Variants in RP1L1 observed in about 807,000 individuals in gnomAD.
RP1L1 encodes the protein retinitis pigmentosa 1-like 1 protein.
A neutral mutation model predicts 15.7 loss-of-function variants in RP1L1; 27 were observed. That is an observed-to-expected ratio of 1.72 (90% CI 1.27 to 2.38). The LOEUF is 2.38. Among genes scored for constraint, RP1L1 ranks in the 30% most tolerant of loss-of-function variants. The probability of loss-of-function intolerance (pLI) is 0.00; values close to 1 mark genes in which losing one functional copy is unlikely to be tolerated. For missense variants in RP1L1, 4,798 were observed against 3,075.9 expected (o/e 1.56, Z -13.24); for synonymous variants, 1,813 against 1,276.7 (o/e 1.42, Z -8.96).
chr8:10,635,377 C>T (rs889843256), intron 1 of RP1L1, among the ~76,000 whole-genome samples: 2 of 152,342 alleles, frequency 1.3e-5, no homozygotes, highest in Non-Finnish European at 2.9e-5. Flanking sequence ...CCTACCATGC[C>T]GGGTTATTCC....
At chr8:10,627,546 G>A (rs1218755751) in intron 1 of RP1L1, among the ~76,000 whole-genome samples, 5 of 152,030 alleles carry the variant, frequency 3.3e-5, no homozygotes, top group South Asian at 2.1e-4. Flanking sequence ...TCTGGGGATG[G>A]GTGGTGATGG....
chr8:10,613,492 G>C, intron 3 of RP1L1, 146 bp from the exon 4 acceptor site: 1 of 1,230,944 alleles, frequency 8.1e-7, no homozygotes, highest in Non-Finnish European at 1.1e-6. Context: ...AGCTGTGCGC[G>C]GTGGCTCAGG....
chr8:10,636,578 A>G (rs1798333028), intron 1 of RP1L1, among the ~76,000 whole-genome samples: 1 of 151,982 alleles, frequency 6.6e-6, no homozygotes, highest in Non-Finnish European at 1.5e-5. Context: ...CTCCTTCACA[A>G]CGGCCTCCTC....
chr8:10,646,765 G>C (rs1209386731), intron 1 of RP1L1, among the ~76,000 whole-genome samples: 3 of 152,214 alleles, frequency 2.0e-5, no homozygotes, highest in Non-Finnish European at 4.4e-5. Context: ...TTAGGCCACT[G>C]ACTTATCTGC....
At chr8:10,615,711 T>C (rs1797954106) in intron 3 of RP1L1, among the ~76,000 whole-genome samples, 1 of 151,736 alleles carries the variant, frequency 6.6e-6, no homozygotes. Flanking sequence ...TCATTACTTA[T>C]TGATGTTTGT....
Position 10,609,943 on chromosome 8 carries a change from C to A in RP1L1, c.4155G>T (p.Leu1385=). The change falls in exon 4 of 4, where the codon CTG becomes CTT. Residue 1385 remains leucine (L), a synonymous_variant. Transcript: ENST00000382483. Reference sequence around the variant, plus strand: ...GACCCTCTTCAAGAGCCTCTCCTTGCAGTCCTCCTTCTGGCCCTTCTTTAA... The same window carrying A: ...GACCCTCTTCAAGAGCCTCTCCTTGAAGTCCTCCTTCTGGCCCTTCTTTAA... ...EEVKEGPEGG[L]QGEALEEGLK... is the part of the protein sequence containing the mutation. The A allele has an allele frequency of 2.5e-6, 4 of 1,590,336 alleles. No homozygotes were observed. Among genetic ancestry groups the A allele is most frequent in the Non-Finnish European group, 3.4e-6 (4 of 1,163,850 alleles).
In RP1L1 at chr8:10,606,643, C is replaced by T. The variant is rs1000080253; in HGVS notation, c.*252G>A. 42 of 571,552 alleles carry T rather than the reference C, an allele frequency of 7.3e-5. No individual in the cohort carries two copies. In the East Asian group the frequency reaches 1.2e-3, roughly 16 times the overall value. 35.4% of individuals were successfully genotyped at this position (571,552 alleles called of 1,614,324 possible). Reference sequence around the variant, plus strand: ...AATAAATAGGAGCCGGGCTGACCTCCGATAACCGGGCAGATCCGCAGACAC... The same window carrying T: ...AATAAATAGGAGCCGGGCTGACCTCTGATAACCGGGCAGATCCGCAGACAC... On this transcript the variant is annotated 3_prime_UTR_variant, in exon 4 of 4. Transcript: ENST00000382483.
chr8:10,612,717 G>C lies in RP1L1; in HGVS notation c.1381C>G (p.Leu461Val), dbSNP rs1255328415. ...GACTCTGGCTCCGAGCCCTCGGGGA[G>C]GCCGGTGCTGGAGGCTGGGCTGGCA... ...DSASPASSTGLPEGSEPESSC... is the reference protein window; with the variant it reads ...DSASPASSTGVPEGSEPESSC... Residue 461 changes from leucine to valine, a missense_variant, in exon 4 of 4, where the codon CTC becomes GTC. Physicochemically the swap from Leu to Val is conservative, Grantham distance 32. Coordinates refer to ENST00000382483, the MANE Select transcript of RP1L1 (RefSeq NM_178857.6). 6.2e-7 allele frequency: 1 copy of C among 1,605,090 alleles called. No homozygotes were observed. The highest frequency in any genetic ancestry group is 8.5e-7 in the Non-Finnish European group (1 of 1,178,856).
At chr8:10,650,690 T>G (rs2117270381) in intron 1 of RP1L1, among the ~76,000 whole-genome samples, 1 of 152,116 alleles carries the variant, frequency 6.6e-6, no homozygotes, top group Non-Finnish European at 1.5e-5. Flanking sequence ...GCCTCCCGAG[T>G]AGCTGCAACT....
intron 1 of RP1L1, among the ~76,000 whole-genome samples, chr8:10,626,249 G>GT (rs1234547301): frequency 2.0e-5 from 3 of 151,960 alleles, no homozygotes; most frequent in Non-Finnish European, 4.4e-5. Flanking sequence ...GGAGGATGGG[G>GT]GAGGCTGGGC....
At chr8:10,654,351 CTCATTGATAGGGACCT>C (rs1207121237) in intron 1 of RP1L1, among the ~76,000 whole-genome samples, 1 of 152,120 alleles carries the variant, frequency 6.6e-6, no homozygotes, top group African/African-American at 2.4e-5. Context: ...ATTCAATGAC[CTCATTGATAGGGACCT>C]TCTATGCCCC....
Position 10,611,948 on chromosome 8 carries a change from C to T in RP1L1, c.2150G>A (p.Gly717Glu). 2 of 1,613,884 alleles carry T rather than the reference C, an allele frequency of 1.2e-6. No homozygotes were observed. Among genetic ancestry groups the T allele is most frequent in the Non-Finnish European group, 1.7e-6 (2 of 1,180,030 alleles). The change falls in exon 4 of 4, where the codon GGG becomes GAG. Residue 717 changes from glycine (G) to glutamate (E), a missense_variant. Gly to Glu is a moderately conservative substitution (Grantham distance 98). Coordinates refer to ENST00000382483, the MANE Select transcript of RP1L1 (RefSeq NM_178857.6). ...GCCCGAGGAGGGAGGTCTCAGGTTC[C>T]CAGAGGCCTGTGTCCTGGTGCTCGA... Reference protein sequence around the residue: ...SSSSTRTQASGNLRPPSSGSL... With the variant: ...SSSSTRTQASENLRPPSSGSL...
intron 1 of RP1L1, among the ~76,000 whole-genome samples, chr8:10,628,489 C>T (rs986686103): frequency 1.3e-5 from 2 of 152,154 alleles, no homozygotes; most frequent in Non-Finnish European, 2.9e-5. Flanking sequence ...CACCCCCAGC[C>T]CCAGAGATCC....
Position 10,611,700 on chromosome 8 carries a change from G to T in RP1L1, c.2398C>A (p.Pro800Thr), listed in dbSNP as rs142820770. Residue 800 changes from proline (P) to threonine (T), a missense_variant, in exon 4 of 4, where the codon CCT (proline) becomes ACT (threonine). By Grantham distance (38) the Pro-to-Thr change is conservative. Coordinates refer to ENST00000382483, the MANE Select transcript of RP1L1 (RefSeq NM_178857.6). Reference sequence around the variant, plus strand: ...AGAACCAAGGGTGAGGAGGGCTGAGGCGTGTCCCTGGCCTCTTCCCCCAGG... The same window carrying T: ...AGAACCAAGGGTGAGGAGGGCTGAGTCGTGTCCCTGGCCTCTTCCCCCAGG... ...ASLGEEARDT[P>T]QPSSPLVLQV... 1,237 of 1,613,510 alleles carry T rather than the reference G, an allele frequency of 7.7e-4. 9 individuals are homozygous for T. The African/African-American group carries it at 0.014, about 18-fold the overall frequency.
chr8:10,622,856 G>C lies in RP1L1; in HGVS notation c.346C>G (p.Pro116Ala), dbSNP rs923135152. Residue 116 changes from proline (P) to alanine (A), a missense_variant, in exon 2 of 4, where the codon CCA (proline) becomes GCA (alanine). By Grantham distance (27) the Pro-to-Ala change is conservative (BLOSUM62 -1). Coordinates refer to ENST00000382483, the MANE Select transcript of RP1L1 (RefSeq NM_178857.6). ...GGGTTTCTCTCCTGTGGCCGGCCTG[G>C]TCCACTGGGGGTCTTGGGGGGCTTC... ...DKKPPKTPSG[P>A]GRPQERNPTA... 3 of 1,612,956 alleles carry C rather than the reference G, an allele frequency of 1.9e-6. No individual in the cohort carries two copies. In the African/African-American group the frequency reaches 4.0e-5, roughly 22 times the overall value.
At chr8:10,631,250 C>G (rs892294520) in intron 1 of RP1L1, among the ~76,000 whole-genome samples, 5 of 151,568 alleles carry the variant, frequency 3.3e-5, no homozygotes, top group African/African-American at 7.3e-5. Context: ...CACATGCACA[C>G]ATGCACACAC....
rs1399645216 is a variant in RP1L1 at position 10,623,060 on chromosome 8, C to G, written c.142G>C (p.Gly48Arg). The G allele has an allele frequency of 6.2e-7, 1 of 1,614,114 alleles. No homozygotes were observed. ...CGCTGGTGAACGGCCAGGCGGACCC[C>G]AGCAAACCGTGGATCCCCTCGCTTG... ...FLKRGDPRFA[G>R]VRLAVHQRAF... Residue 48 changes from glycine (G) to arginine (R), a missense_variant, in exon 2 of 4, where the codon GGG becomes CGG. By Grantham distance (125) the Gly-to-Arg change is moderately radical. Coordinates refer to ENST00000382483, the MANE Select transcript of RP1L1 (RefSeq NM_178857.6).
chr8:10,633,646 C>G (rs1022920178), intron 1 of RP1L1, among the ~76,000 whole-genome samples: 2 of 152,064 alleles, frequency 1.3e-5, no homozygotes, highest in African/African-American at 4.8e-5. Context: ...CTGTGGTCAT[C>G]ATTTGAGTCC....
chr8:10,610,463 T>TC lies in RP1L1; in HGVS notation c.3634dup (p.Glu1212GlyfsTer3), dbSNP rs1474459432. 2 of 1,613,594 alleles carry TC rather than the reference T, an allele frequency of 1.2e-6. No homozygotes were observed. On this transcript the variant is annotated frameshift_variant, in exon 4 of 4. Coordinates refer to ENST00000382483, the MANE Select transcript of RP1L1 (RefSeq NM_178857.6). LOFTEE classifies it low-confidence loss of function (END_TRUNC). ...GTCCATGGCACAGGGTACGCTACTC[T>TC]CCCCTGAGCCTCCAGAGCCGCTGCT...
Sources: gnomAD v4.1 joint callset for allele counts (sites outside exome capture counted in the v4.1 genomes callset) on GRCh38, gnomAD v4.1.1 for gene constraint, MANE v1.5 for transcripts, NCBI Gene and HGNC (gene_info 2026-07-23, HGNC 2026-07-21) for gene names.